Variants in SPAG17 observed in about 807,000 individuals in gnomAD.
The protein encoded by SPAG17 is sperm-associated antigen 17.
A neutral mutation model predicts 273.6 loss-of-function variants in SPAG17; 169 were observed. The ratio of observed to expected loss-of-function variants is 0.62; its 90% confidence interval spans 0.55 to 0.70. The LOEUF is 0.70. Ranked by LOEUF, SPAG17 falls within the 30% of genes least tolerant of loss-of-function variation. The probability of loss-of-function intolerance (pLI) is 0.00; values close to 1 mark genes in which losing one functional copy is unlikely to be tolerated. For synonymous variants in SPAG17, 825 were observed against 873.2 expected (o/e 0.94, Z 0.97); for missense variants, 2,557 against 2,627.8 (o/e 0.97, Z 0.59).
At chr1:118,066,676 A>T (rs1395264312) in intron 18 of SPAG17, 69 bp downstream of exon 18, 3 of 1,370,130 alleles carry the variant, frequency 2.2e-6, no homozygotes, top group Non-Finnish European at 3.0e-6. Context: ...CTAACACCTA[A>T]GTAACTAAGT....
intron 6 of SPAG17, 76 bp downstream of exon 6, chr1:118,099,530 C>T (rs1424817367): frequency 1.5e-6 from 2 of 1,330,600 alleles, no homozygotes; most frequent in Non-Finnish European, 2.1e-6. Context: ...ATGTTTTGGA[C>T]AGAAAATTAT....
At chr1:118,131,581 T>C (rs139596093) in intron 3 of SPAG17, among the ~76,000 whole-genome samples, 3 of 152,362 alleles carry the variant, frequency 2.0e-5, no homozygotes, top group African/African-American at 7.2e-5. Flanking sequence ...TTGATCTAAA[T>C]TCAAAGCCTG....
chr1:118,021,692 C>G (rs1002651944), intron 28 of SPAG17, among the ~76,000 whole-genome samples: 2 of 152,120 alleles, frequency 1.3e-5, no homozygotes, highest in Non-Finnish European at 2.9e-5. Context: ...CCTAAAACTG[C>G]TCTAAAAATA....
chr1:118,183,451 G>A (rs1277674992), intron 1 of SPAG17, among the ~76,000 whole-genome samples: 3 of 152,120 alleles, frequency 2.0e-5, no homozygotes, highest in Admixed American at 6.5e-5. Flanking sequence ...AGGAGGTGGA[G>A]GGTAGTTGTC....
At chr1:118,048,497 A>G (rs1414112536) in intron 20 of SPAG17, among the ~76,000 whole-genome samples, 1 of 152,272 alleles carries the variant, frequency 6.6e-6, no homozygotes, top group Non-Finnish European at 1.5e-5. Context: ...TTTCTCAAAA[A>G]GATAAACATG....
At chr1:118,011,001 CA>C (rs1325877207) in intron 30 of SPAG17, among the ~76,000 whole-genome samples, 1 of 152,098 alleles carries the variant, frequency 6.6e-6, no homozygotes, top group African/African-American at 2.4e-5. Context: ...TAGAGAAATG[CA>C]AATCAAAACC....
At chr1:118,013,307 T>C (rs2101786854) in intron 29 of SPAG17, among the ~76,000 whole-genome samples, 1 of 152,316 alleles carries the variant, frequency 6.6e-6, no homozygotes, top group East Asian at 1.9e-4. Context: ...TCATGGCTAT[T>C]GGGAGCAGGT....
chr1:118,050,683 G>A (rs949412807), intron 20 of SPAG17, among the ~76,000 whole-genome samples: 6 of 152,124 alleles, frequency 3.9e-5, no homozygotes, highest in Non-Finnish European at 8.8e-5. Flanking sequence ...GGGAAAACTG[G>A]ATATCCACAT....
intron 38 of SPAG17, among the ~76,000 whole-genome samples, chr1:117,990,080 G>A (rs1307492780): frequency 6.6e-6 from 1 of 152,116 alleles, no homozygotes; most frequent in Admixed American, 6.6e-5. Context: ...GGAGACATAG[G>A]GGGTTGTGAT....
intron 3 of SPAG17, among the ~76,000 whole-genome samples, chr1:118,127,652 T>G (rs1162680310): frequency 6.6e-6 from 1 of 152,220 alleles, no homozygotes; most frequent in Non-Finnish European, 1.5e-5. Flanking sequence ...TCATTTGTAT[T>G]TTGGTAGAGA....
At chr1:118,067,455 C>G (rs1653097015) in intron 17 of SPAG17, among the ~76,000 whole-genome samples, 1 of 152,144 alleles carries the variant, frequency 6.6e-6, no homozygotes, top group African/African-American at 2.4e-5. Context: ...TGCTCTCCCT[C>G]CCTCTTTCCC....
chr1:118,020,721 T>C (rs529376717), intron 28 of SPAG17, among the ~76,000 whole-genome samples: 59 of 152,228 alleles, frequency 3.9e-4, no homozygotes, highest in African/African-American at 1.3e-3. Context: ...AAAAAATCTG[T>C]AAAAATATAG....
In SPAG17 at chr1:118,101,784, T is replaced by G; in HGVS notation, c.590A>C (p.Gln197Pro). 6.2e-7 allele frequency: 1 copy of G among 1,614,050 alleles called. No homozygotes were observed. Among genetic ancestry groups the G allele is most frequent in the Non-Finnish European group, 8.5e-7 (1 of 1,179,956 alleles). Residue 197 changes from glutamine (Q) to proline (P), a missense_variant, in exon 5 of 49, where the codon CAG becomes CCG. Coordinates refer to ENST00000336338, the MANE Select transcript of SPAG17 (RefSeq NM_206996.4). ...GTCGTCTTCTCCTCTCCGCTTTAAC[T>G]GGGTGGTCTTTTTCACTGGTGCATT... ...EANAPVKKTTQLKRRGEDDHT... is the reference protein window; with the variant it reads ...EANAPVKKTTPLKRRGEDDHT...
At chr1:117,972,139 G>T in intron 44 of SPAG17, 92 bp from the exon 45 acceptor site, 1 of 1,118,534 alleles carries the variant, frequency 8.9e-7, no homozygotes, top group Non-Finnish European at 1.3e-6. Context: ...GAAAATAACT[G>T]TTGGGTTGCT....
chr1:118,053,262 C>T (rs1309100253), intron 20 of SPAG17, among the ~76,000 whole-genome samples: 1 of 151,896 alleles, frequency 6.6e-6, no homozygotes, highest in Non-Finnish European at 1.5e-5. Flanking sequence ...CTATTAATAT[C>T]CAGAAACCGG....
chr1:118,129,206 A>G, intron 3 of SPAG17, among the ~76,000 whole-genome samples: 1 of 152,234 alleles, frequency 6.6e-6, no homozygotes, highest in South Asian at 2.1e-4. Flanking sequence ...ATGCCAGTAC[A>G]TTTCCTAATT....
chr1:118,136,055 C>G (rs897431487), intron 3 of SPAG17, among the ~76,000 whole-genome samples: 1 of 152,174 alleles, frequency 6.6e-6, no homozygotes, highest in Non-Finnish European at 1.5e-5. Flanking sequence ...GCATAGTAAG[C>G]CTTAAATCTG....
At chr1:118,144,347 T>C (rs1658849206) in intron 3 of SPAG17, among the ~76,000 whole-genome samples, 1 of 152,210 alleles carries the variant, frequency 6.6e-6, no homozygotes, top group Non-Finnish European at 1.5e-5. Context: ...TTTCCCCATC[T>C]TGACAAAAGT....
chr1:118,083,826 A>G (rs1175070464), intron 13 of SPAG17, among the ~76,000 whole-genome samples: 2 of 152,138 alleles, frequency 1.3e-5, no homozygotes, highest in East Asian at 1.9e-4. Context: ...GATGACTCCA[A>G]GGTTTTCGAT....
Sources: gnomAD v4.1 joint callset for allele counts (sites outside exome capture counted in the v4.1 genomes callset) on GRCh38, gnomAD v4.1.1 for gene constraint, MANE v1.5 for transcripts, NCBI Gene and HGNC (gene_info 2026-07-23, HGNC 2026-07-21) for gene names.